The following FAM118B variants were observed in gnomAD, a reference collection of about 807,000 sequenced individuals.
FAM118B encodes the protein SIR2 antiphage like 1.
Under a neutral mutation model 38.5 loss-of-function variants are expected in FAM118B, and 24 were observed. That is an observed-to-expected ratio of 0.62 (90% confidence interval 0.45 to 0.88). The LOEUF is 0.88. Ranked by LOEUF, FAM118B falls within the 40% of genes least tolerant of loss-of-function variation. FAM118B has a pLI of 0.00. For missense variants in FAM118B, 334 were observed against 420.0 expected (o/e 0.80, Z 1.79); for synonymous variants, 138 against 156.3 (o/e 0.88, Z 0.87).
intron 1 of FAM118B, chr11:126,214,527 T>TTTTTTTTTTTTTTTTTTA (rs1949954178): frequency 1.6e-5 from 2 of 123,320 alleles, no homozygotes; most frequent in Non-Finnish European, 3.3e-5. Flanking sequence ...TTTTTTTTTT[T>TTTTTTTTTTTTTTTTTTA]ACCTCTATAT....
At position 126,250,826 on chromosome 11, in the gene FAM118B, A is replaced by G. The variant is rs1175391379; in HGVS notation, c.567+93A>G. On this transcript the variant is annotated intron_variant, in intron 5 of 8. Transcript: ENST00000533050. The surrounding 1 kb of genome is among the most constrained non-coding windows in gnomAD (Gnocchi z 5.1). The stretch of plus-strand genomic sequence containing the variant: ...CTAGTTGGTATATTGGTATTTATGT[A>G]GAGCTAGAAAGGAAAAATTTTTTCC... 1 of 985,306 alleles carries G rather than the reference A, an allele frequency of 1.0e-6. No homozygotes were observed. Among genetic ancestry groups the G allele is most frequent in the Non-Finnish European group, 1.5e-6 (1 of 679,498 alleles). 61.0% of individuals were successfully genotyped at this position (985,306 alleles called of 1,614,324 possible).
At chr11:126,217,917 G>C (rs1950001993) in intron 1 of FAM118B, among the ~76,000 whole-genome samples, 1 of 152,142 alleles carries the variant, frequency 6.6e-6, no homozygotes, top group African/African-American at 2.4e-5. Flanking sequence ...CTTCTTACGT[G>C]ACCGTATTTT....
intron 5 of FAM118B, among the ~76,000 whole-genome samples, chr11:126,251,424 A>G (rs184017492): frequency 6.6e-6 from 1 of 152,242 alleles, no homozygotes; most frequent in Non-Finnish European, 1.5e-5. Context: ...TCAGTACTAC[A>G]GTATTGCCCC....
rs367808600 is a variant in FAM118B, at chr11:126,254,228, C to T, written c.568-77C>T. The T allele has an allele frequency of 5.6e-5, 85 of 1,523,944 alleles. No individual in the cohort carries two copies. The South Asian group carries it at 9.5e-4, about 17-fold the overall frequency. 94.4% of individuals were successfully genotyped at this position (1,523,944 alleles called of 1,614,324 possible). A position where few individuals can be genotyped will look rare whatever the true frequency, so the allele number is the denominator to read the frequency against. ...TATGTCAGAAGTCTAGTCCTCAAAA[C>T]AGCCTCTTGCCCATTGTGACCTTTA... On this transcript the variant is annotated intron_variant, in intron 5 of 8. Coordinates refer to ENST00000533050, the MANE Select transcript of FAM118B (RefSeq NM_024556.4).
At chr11:126,243,223 A>G (rs545989347) in intron 4 of FAM118B, among the ~76,000 whole-genome samples, 1 of 152,380 alleles carries the variant, frequency 6.6e-6, no homozygotes, top group Non-Finnish European at 1.5e-5. Flanking sequence ...TATGCTAAAA[A>G]ATAGAGTAGG....
chr11:126,251,844 G>A (rs909146882), intron 5 of FAM118B, among the ~76,000 whole-genome samples: 13 of 150,360 alleles, frequency 8.6e-5, no homozygotes, highest in African/African-American at 2.2e-4. Flanking sequence ...CACAACGCCC[G>A]GCTAATTTTG....
chr11:126,241,368 C>T, intron 4 of FAM118B: 1 of 220,284 alleles, frequency 4.5e-6, no homozygotes, highest in Non-Finnish European at 8.8e-6. Context: ...GGCATCCATG[C>T]CTTGTATGGA....
At chr11:126,254,081 G>A (rs1950541305) in intron 5 of FAM118B, among the ~76,000 whole-genome samples, 1 of 152,180 alleles carries the variant, frequency 6.6e-6, no homozygotes. Context: ...GATTTTTGAT[G>A]CTTACTTTCA....
intron 3 of FAM118B, among the ~76,000 whole-genome samples, chr11:126,240,294 G>A (rs1261383756): frequency 6.7e-6 from 1 of 149,602 alleles, no homozygotes; most frequent in Non-Finnish European, 1.5e-5. Flanking sequence ...TTTTGCCTGA[G>A]GTTAATGTTT....
intron 1 of FAM118B, among the ~76,000 whole-genome samples, chr11:126,212,787 A>C (rs947904393): frequency 6.6e-6 from 1 of 152,248 alleles, no homozygotes; most frequent in African/African-American, 2.4e-5. Context: ...AAAGTTGATC[A>C]GGTGGAGCTA....
rs745448186 is a variant in FAM118B at position 126,261,488 on chromosome 11, T to C, written c.1042+4T>C. ...GCAGCACACAGTGAAATAAGAGGTATACTGTTTCCTATTCTACTATTTATC... is the reference window on the plus strand; with the variant it reads ...GCAGCACACAGTGAAATAAGAGGTACACTGTTTCCTATTCTACTATTTATC... On this transcript the variant is annotated splice_donor_region_variant and intron_variant, in intron 8 of 8. Coordinates refer to ENST00000533050, the MANE Select transcript of FAM118B (RefSeq NM_024556.4). 6.2e-6 allele frequency: 10 copies of C among 1,608,850 alleles called. No homozygotes were observed. Among genetic ancestry groups the C allele is most frequent in the Non-Finnish European group, 8.5e-6 (10 of 1,175,312 alleles).
rs1950728822 is a variant in FAM118B, at chr11:126,262,809, T to G, written c.*676T>G. On this transcript the variant is annotated 3_prime_UTR_variant, in exon 9 of 9. Transcript: ENST00000533050. ...TCAGGACAACCGTTTACTTACCTGA[T>G]TCCTCGGAGCATTATCAACTTCTGC... 1 of 152,594 alleles carries G rather than the reference T, an allele frequency of 6.6e-6. No individual in the cohort carries two copies. The highest frequency in any genetic ancestry group is 2.1e-4 in the South Asian group (1 of 4,836). 9.5% of individuals were successfully genotyped at this position (152,594 alleles called of 1,614,324 possible). A position where few individuals can be genotyped will look rare whatever the true frequency, so the allele number is the denominator to read the frequency against.
At chr11:126,257,062 T>C (rs185901162) in intron 7 of FAM118B, among the ~76,000 whole-genome samples, 8 of 152,332 alleles carry the variant, frequency 5.3e-5, no homozygotes, top group Non-Finnish European at 4.4e-5. Context: ...CAGTTCAATA[T>C]AGACATAGGA....
chr11:126,257,627 G>A (rs1414709134), intron 7 of FAM118B, among the ~76,000 whole-genome samples: 3 of 145,718 alleles, frequency 2.1e-5, no homozygotes, highest in Non-Finnish European at 4.5e-5. Flanking sequence ...TTTTTGGTGC[G>A]TGTAGAAATG....
intron 1 of FAM118B, among the ~76,000 whole-genome samples, chr11:126,215,586 A>G (rs1010744848): frequency 6.6e-6 from 1 of 151,274 alleles, no homozygotes; most frequent in Non-Finnish European, 1.5e-5. Context: ...AGTCCCAGCT[A>G]CTCGGGAGGC....
upstream of FAM118B, chr11:126,211,774 G>C: frequency 1.0e-6 from 1 of 969,114 alleles, no homozygotes; most frequent in South Asian, 1.6e-5. Flanking sequence ...TGCGCGCTCA[G>C]TGCGGCTGCG....
chr11:126,237,856 C>CAA (rs1279296349), intron 3 of FAM118B, among the ~76,000 whole-genome samples: 8 of 60,020 alleles, frequency 1.3e-4, no homozygotes, highest in Admixed American at 1.8e-4. Flanking sequence ...ACTCCGTCTC[C>CAA]AAAAAAAAAA....
chr11:126,261,881 A>G (rs1259405243), intron 8 of FAM118B, among the ~76,000 whole-genome samples: 1 of 152,046 alleles, frequency 6.6e-6, no homozygotes, highest in Non-Finnish European at 1.5e-5. Context: ...AGTCCCGGCT[A>G]CTGGCTGAGG....
In FAM118B at chr11:126,244,833, T is replaced by C. The variant is rs563626376; in HGVS notation, c.339+3789T>C. Among the ~76,000 whole-genome samples, 3 of 152,026 alleles carry C rather than the reference T, an allele frequency of 2.0e-5. No individual in the cohort carries two copies. The highest frequency in any genetic ancestry group is 7.3e-5 in the African/African-American group (3 of 41,376). On this transcript the variant is annotated intron_variant, in intron 4 of 8. Transcript: ENST00000533050. The surrounding 1 kb of genome is among the most constrained non-coding windows in gnomAD (Gnocchi z 4.5). Reference sequence around the variant, plus strand: ...AATAAATAAATAAGTGGAGAACTTATGCTTTGAAAACTACAAAACACTGAA... The same window carrying C: ...AATAAATAAATAAGTGGAGAACTTACGCTTTGAAAACTACAAAACACTGAA...
Sources: gnomAD v4.1 joint callset for allele counts (sites outside exome capture counted in the v4.1 genomes callset) on GRCh38, gnomAD v4.1.1 for gene constraint, Gnocchi (gnomAD v3.1) non-coding constraint, MANE v1.5 for transcripts, NCBI Gene and HGNC (gene_info 2026-07-23, HGNC 2026-07-21) for gene names.